THADA: variants seen among roughly 807,000 people sequenced by gnomAD.
The protein encoded by THADA is THADA armadillo repeat containing, also known as tRNA (32-2'-O)-methyltransferase regulator THADA.
THADA carries 213 observed loss-of-function variants against 219.8 expected under a neutral mutation model. The ratio of observed to expected loss-of-function variants is 0.97; its 90% CI spans 0.87 to 1.09. The LOEUF (loss-of-function observed/expected upper bound fraction) is 1.09. THADA is among the 50% of genes least tolerant of loss of function. The probability of loss-of-function intolerance (pLI) is 0.00; values close to 1 mark genes in which losing one functional copy is unlikely to be tolerated. For missense variants in THADA, 2,956 were observed against 2,311.3 expected (o/e 1.28, Z -5.72); for synonymous variants, 1,018 against 828.9 (o/e 1.23, Z -3.92).
intron 22 of THADA, 146 bp downstream of exon 22, chr2:43,527,733 C>G: frequency 1.9e-6 from 1 of 530,402 alleles, no homozygotes; most frequent in East Asian, 3.1e-5. Context: ...ACAATGAAAC[C>G]TAAGAAAACA....
intron 21 of THADA, among the ~76,000 whole-genome samples, chr2:43,539,153 G>A (rs754000941): frequency 6.6e-6 from 1 of 152,214 alleles, no homozygotes; most frequent in African/African-American, 2.4e-5. Flanking sequence ...CATTCTGCCT[G>A]CAAGTCACTT....
At chr2:43,475,935 T>G (rs1479706206) in intron 26 of THADA, among the ~76,000 whole-genome samples, 1 of 152,254 alleles carries the variant, frequency 6.6e-6, no homozygotes, top group South Asian at 2.1e-4. Flanking sequence ...TCAGATAGCC[T>G]AGAAGAATGT....
intron 28 of THADA, among the ~76,000 whole-genome samples, chr2:43,403,273 C>A (rs1026757035): frequency 3.3e-5 from 5 of 152,184 alleles, no homozygotes; most frequent in Non-Finnish European, 7.3e-5. Context: ...CCTAATCACA[C>A]TGAGGTATGA....
intron 6 of THADA, 97 bp from the exon 7 acceptor site, chr2:43,586,546 T>A: frequency 1.5e-6 from 2 of 1,348,464 alleles, no homozygotes. Context: ...CAAAATGATA[T>A]CATGATATGG....
intron 4 of THADA, among the ~76,000 whole-genome samples, chr2:43,589,527 T>C (rs528466078): frequency 1.1e-4 from 16 of 152,324 alleles, no homozygotes; most frequent in East Asian, 3.9e-4. Flanking sequence ...CTAGAGATCA[T>C]TGCACTGCAA....
intron 31 of THADA, among the ~76,000 whole-genome samples, chr2:43,303,742 G>T (rs563335829): frequency 8.1e-6 from 1 of 123,028 alleles, no homozygotes; most frequent in Admixed American, 9.2e-5. Context: ...GCCGGGGGTG[G>T]GGGAGGAATA....
At chr2:43,556,281 T>C in intron 17 of THADA, 64 bp downstream of exon 17, 1 of 1,581,884 alleles carries the variant, frequency 6.3e-7, no homozygotes, top group Non-Finnish European at 8.6e-7. Flanking sequence ...CCATTAGATA[T>C]TCTAACCAAA....
At chr2:43,583,770 C>A (rs1458842524) in intron 7 of THADA, among the ~76,000 whole-genome samples, 9 of 152,150 alleles carry the variant, frequency 5.9e-5, no homozygotes, top group Non-Finnish European at 2.9e-5. Context: ...GTGGAAGACC[C>A]TCGAAAACAC....
intron 36 of THADA, among the ~76,000 whole-genome samples, chr2:43,245,172 C>CTTTTTTTTTTT (rs200036949): frequency 0.011 from 1,144 of 102,964 alleles, 180 homozygotes; most frequent in African/African-American, 0.038. Context: ...CTTTCTTCTT[C>CTTTTTTTTTTT]TTTTTTTTTT....
chr2:43,337,935 A>C (rs955552154), intron 30 of THADA, among the ~76,000 whole-genome samples: 1 of 152,202 alleles, frequency 6.6e-6, no homozygotes, highest in Non-Finnish European at 1.5e-5. Flanking sequence ...AGGTGGTAAA[A>C]CTAGGAAGAA....
intron 28 of THADA, among the ~76,000 whole-genome samples, chr2:43,411,745 C>G (rs368673044): frequency 6.6e-6 from 1 of 152,098 alleles, no homozygotes; most frequent in African/African-American, 2.4e-5. Context: ...TAAAAATATA[C>G]TAGTGTTACA....
chr2:43,473,092 A>T (rs1254138094), intron 26 of THADA, among the ~76,000 whole-genome samples: 1 of 152,164 alleles, frequency 6.6e-6, no homozygotes, highest in Admixed American at 6.5e-5. Flanking sequence ...AAATTGATTT[A>T]AAAAATTTTT....
chr2:43,455,765 A>G (rs1275214949), intron 26 of THADA, among the ~76,000 whole-genome samples: 2 of 152,222 alleles, frequency 1.3e-5, no homozygotes. Flanking sequence ...TCTGAAAAAC[A>G]TCAATTCTAA....
chr2:43,494,686 G>A (rs1688052410), intron 25 of THADA, among the ~76,000 whole-genome samples: 1 of 152,114 alleles, frequency 6.6e-6, no homozygotes, highest in Non-Finnish European at 1.5e-5. Context: ...TACTCAATAA[G>A]ACAGCCATTA....
At chr2:43,262,231 T>G (rs967552265) in intron 36 of THADA, among the ~76,000 whole-genome samples, 22 of 152,222 alleles carry the variant, frequency 1.4e-4, no homozygotes, top group Non-Finnish European at 2.8e-4. Context: ...TTGTAGCCAA[T>G]GAGAGGTAAA....
chr2:43,256,292 T>C (rs1415683432), intron 36 of THADA, among the ~76,000 whole-genome samples: 1 of 151,888 alleles, frequency 6.6e-6, no homozygotes, highest in African/African-American at 2.4e-5. Context: ...GAGTTATCAC[T>C]TGAGCACAGG....
intron 29 of THADA, among the ~76,000 whole-genome samples, chr2:43,356,481 T>C (rs888252088): frequency 7.9e-5 from 12 of 152,126 alleles, no homozygotes; most frequent in African/African-American, 2.4e-4. Context: ...AAAACTACTA[T>C]GAAGATTAAA....
At chr2:43,453,972 G>A (rs1682676166) in intron 26 of THADA, among the ~76,000 whole-genome samples, 3 of 152,180 alleles carry the variant, frequency 2.0e-5, no homozygotes, top group South Asian at 4.2e-4. Context: ...ATGGCTCACC[G>A]GGCTCAAGTG....
chr2:43,483,080 G>C (rs1437500116), intron 26 of THADA, among the ~76,000 whole-genome samples: 1 of 152,134 alleles, frequency 6.6e-6, no homozygotes, highest in East Asian at 1.9e-4. Flanking sequence ...TTTATGTCCA[G>C]TTCCCTCTGA....
Sources: allele counts gnomAD v4.1 joint callset (sites outside exome capture counted in the v4.1 genomes callset), GRCh38; gene constraint gnomAD v4.1.1; transcripts MANE v1.5; gene names NCBI Gene and HGNC (gene_info 2026-07-23, HGNC 2026-07-21).